The following PCSK2 variants were observed in gnomAD, a reference collection of about 807,000 sequenced individuals.
PCSK2 encodes neuroendocrine convertase 2.
In PCSK2, 14 loss-of-function variants were observed where a neutral mutation model predicts 69.7. The observed-to-expected ratio is 0.20, with a 90% confidence interval of 0.13 to 0.31. The LOEUF (loss-of-function observed/expected upper bound fraction) is 0.31. Among genes scored for constraint, PCSK2 ranks in the 10% least tolerant of loss-of-function variants. The probability of loss-of-function intolerance (pLI) is 1.00; values close to 1 mark genes in which losing one functional copy is unlikely to be tolerated. For synonymous variants in PCSK2, 307 were observed against 320.7 expected (o/e 0.96, Z 0.46); for missense variants, 544 against 842.5 (o/e 0.65, Z 4.39).
chr20:17,359,751 G>A (rs976205968), intron 3 of PCSK2, among the ~76,000 whole-genome samples: 6 of 152,210 alleles, frequency 3.9e-5, no homozygotes, highest in Admixed American at 1.3e-4. Context: ...TATCATAACA[G>A]CCACTGATCA....
chr20:17,305,328 G>GTT (rs200466117), intron 2 of PCSK2, among the ~76,000 whole-genome samples: 14 of 151,386 alleles, frequency 9.2e-5, no homozygotes, highest in African/African-American at 3.1e-4. Context: ...AAATGAAAAT[G>GTT]TTTTTTTTTG....
rs1044388477 is a variant in PCSK2, at chr20:17,227,169, C to G, written c.-137C>G. On this transcript the variant is annotated 5_prime_UTR_variant, in exon 1 of 12. Transcript: ENST00000262545. ...ACACTGATTCGCTGCTTTCCAAGAC[C>G]CTGTTCAGTCTCTTTCTCTATACAA... 3.9e-5 allele frequency: 24 copies of G among 615,820 alleles called. No homozygotes were observed. In the Admixed American group the frequency reaches 6.6e-4, roughly 17 times the overall value. The allele number at this position is 615,820 out of a possible 1,614,324, so 38.1% of individuals were successfully genotyped here. A position where few individuals can be genotyped will look rare whatever the true frequency, so the allele number is the denominator to read the frequency against.
At chr20:17,476,453 A>C (rs1333382000) in intron 11 of PCSK2, among the ~76,000 whole-genome samples, 1 of 152,250 alleles carries the variant, frequency 6.6e-6, no homozygotes, top group Non-Finnish European at 1.5e-5. Flanking sequence ...ACATGTAGCC[A>C]GTGGCTACCA....
intron 5 of PCSK2, among the ~76,000 whole-genome samples, chr20:17,372,428 T>TAAATAAAA (rs1555791670): frequency 7.0e-6 from 1 of 142,904 alleles, no homozygotes; most frequent in Non-Finnish European, 1.5e-5. Context: ...AATAAATAAA[T>TAAATAAAA]AAAAATAAAA....
chr20:17,444,692 T>C (rs1221200938), intron 8 of PCSK2, among the ~76,000 whole-genome samples: 1 of 152,270 alleles, frequency 6.6e-6, no homozygotes, highest in East Asian at 1.9e-4. Context: ...ATGGGAGGTG[T>C]GGCAGGAAAG....
chr20:17,326,414 A>C (rs1455692866), intron 2 of PCSK2, among the ~76,000 whole-genome samples: 1 of 152,234 alleles, frequency 6.6e-6, no homozygotes, highest in Non-Finnish European at 1.5e-5. Context: ...GGAATCCTAG[A>C]TGAGATTATA....
chr20:17,266,250 C>G, intron 2 of PCSK2, among the ~76,000 whole-genome samples: 1 of 152,194 alleles, frequency 6.6e-6, no homozygotes, highest in Admixed American at 6.5e-5. Context: ...GCTGAGTATG[C>G]AGTTGGCCTC....
Position 17,268,031 on chromosome 20 carries a change from GTGTA to G in PCSK2, c.282+7689_282+7692del, listed in dbSNP as rs1311683106. Reference sequence around the variant, plus strand: ...AAGGAAATGCATTTATATATCCAATGTGTATATATATATATATATATATATATAT... The same window carrying G: ...AAGGAAATGCATTTATATATCCAATGTATATATATATATATATATATATAT... On this transcript the variant is annotated intron_variant, in intron 2 of 11. Transcript: ENST00000262545. Among the ~76,000 whole-genome samples the G allele has an allele frequency of 1.7e-3, 204 of 117,954 alleles. 6 individuals are homozygous for G. The highest frequency in any genetic ancestry group is 5.0e-3 in the African/African-American group (172 of 34,180). The allele number at this position is 117,954 out of a possible 152,430, so 77.4% of individuals were successfully genotyped here. A position where few individuals can be genotyped will look rare whatever the true frequency, so the allele number is the denominator to read the frequency against.
At chr20:17,390,492 G>A (rs1474619848) in intron 5 of PCSK2, among the ~76,000 whole-genome samples, 1 of 152,198 alleles carries the variant, frequency 6.6e-6, no homozygotes, top group African/African-American at 2.4e-5. Context: ...CCCTGTGAAT[G>A]TGGGAAGAAT....
chr20:17,365,565 A>C (rs1476700599), intron 4 of PCSK2, among the ~76,000 whole-genome samples: 1 of 152,072 alleles, frequency 6.6e-6, no homozygotes, highest in Non-Finnish European at 1.5e-5. Flanking sequence ...CCAGAGTCTC[A>C]TCTAAATATC....
chr20:17,410,970 A>G (rs993610467), intron 6 of PCSK2, among the ~76,000 whole-genome samples: 1 of 152,208 alleles, frequency 6.6e-6, no homozygotes, highest in Non-Finnish European at 1.5e-5. Flanking sequence ...TTAGTCTTTG[A>G]TGGATTGATG....
chr20:17,312,254 T>A (rs1340938), intron 2 of PCSK2, among the ~76,000 whole-genome samples: 90,143 of 151,948 alleles, frequency 0.59, 27,759 homozygotes, highest in East Asian at 0.79. Flanking sequence ...GAGCAATCAG[T>A]GGGTGACATC....
chr20:17,417,959 A>C lies in PCSK2; in HGVS notation c.620+8620A>C, dbSNP rs199640834. Among the ~76,000 whole-genome samples the C allele has an allele frequency of 7.2e-5, 11 of 152,330 alleles. No individual in the cohort carries two copies. The East Asian group carries it at 2.1e-3, about 29-fold the overall frequency. On this transcript the variant is annotated intron_variant, in intron 6 of 11. Transcript: ENST00000262545. ...AAATTTAACTAGCATACGGCATAAA[A>C]AGAGGTAATAACAAAACTAGGACTT... is the stretch of plus-strand genomic sequence containing the variant.
At chr20:17,373,432 G>A (rs536858175) in intron 5 of PCSK2, among the ~76,000 whole-genome samples, 14 of 152,270 alleles carry the variant, frequency 9.2e-5, no homozygotes, top group African/African-American at 2.9e-4. Flanking sequence ...CCCACAGCCT[G>A]GGGAAAAGCC....
At chr20:17,438,207 A>G (rs538494429) in intron 8 of PCSK2, among the ~76,000 whole-genome samples, 15 of 152,356 alleles carry the variant, frequency 9.8e-5, no homozygotes, top group African/African-American at 3.1e-4. Flanking sequence ...TGAAATGGCT[A>G]TAGAAACCAG....
chr20:17,442,723 A>C (rs1259434931), intron 8 of PCSK2, among the ~76,000 whole-genome samples: 1 of 152,222 alleles, frequency 6.6e-6, no homozygotes, highest in African/African-American at 2.4e-5. Context: ...CAATAACGTC[A>C]CACTGGGAGC....
intron 6 of PCSK2, among the ~76,000 whole-genome samples, chr20:17,428,367 T>C (rs1196696379): frequency 6.6e-6 from 1 of 152,102 alleles, no homozygotes; most frequent in African/African-American, 2.4e-5. Context: ...GTAGCCTTTA[T>C]GGAGGCAGGA....
At chr20:17,411,415 C>A (rs530332440) in intron 6 of PCSK2, among the ~76,000 whole-genome samples, 3 of 152,268 alleles carry the variant, frequency 2.0e-5, no homozygotes, top group African/African-American at 4.8e-5. Flanking sequence ...GCCCATGGAG[C>A]TTTGCTCACT....
intron 10 of PCSK2, 92 bp from the exon 11 acceptor site, chr20:17,465,234 C>T (rs1196308571): frequency 2.3e-6 from 2 of 880,928 alleles, no homozygotes; most frequent in South Asian, 1.4e-5. Flanking sequence ...GGTCTGTGTC[C>T]TGAGTAATAT....
Sources: allele counts gnomAD v4.1 joint callset (sites outside exome capture counted in the v4.1 genomes callset), GRCh38; gene constraint gnomAD v4.1.1; transcripts MANE v1.5; gene names NCBI Gene and HGNC (gene_info 2026-07-23, HGNC 2026-07-21).